SOBP: variants seen among roughly 807,000 people sequenced by gnomAD.
SOBP encodes sine oculis binding protein homolog, also known as sine oculis-binding protein homolog.
Under a neutral mutation model 53.6 loss-of-function variants are expected in SOBP, and 4 were observed. The observed-to-expected ratio is 0.07, with a 90% CI of 0.04 to 0.17. SOBP has a LOEUF of 0.17. Ranked by LOEUF, SOBP falls within the 10% of genes least tolerant of loss-of-function variation. The pLI, the probability that SOBP is intolerant of heterozygous loss-of-function variation, is 1.00. For synonymous variants in SOBP, 584 were observed against 522.6 expected, an observed-to-expected ratio of 1.12 and a Z score of -1.60; for missense variants, 1,088 against 1,204.7, an observed-to-expected ratio of 0.90 and a Z score of 1.43.
intron 5 of SOBP, among the ~76,000 whole-genome samples, chr6:107,592,253 G>A (rs1261833463): frequency 1.3e-5 from 2 of 152,134 alleles, no homozygotes; most frequent in Non-Finnish European, 2.9e-5. Context: ...GGTTCTAAGT[G>A]TATTCATTTA....
At chr6:107,490,750 T>A (rs1583132360) in intron 1 of SOBP, 38 bp downstream of exon 1, 1 of 1,481,378 alleles carries the variant, frequency 6.8e-7, no homozygotes, top group Non-Finnish European at 9.3e-7. Flanking sequence ...GACTGAGCTC[T>A]TTCTTGCGCC....
At chr6:107,636,958 G>A (rs1290896584) in intron 6 of SOBP, among the ~76,000 whole-genome samples, 1 of 152,152 alleles carries the variant, frequency 6.6e-6, no homozygotes. Flanking sequence ...TGCAAATCCA[G>A]GCTGTCTGAC....
intron 4 of SOBP, among the ~76,000 whole-genome samples, chr6:107,554,218 T>A (rs139224801): frequency 1.6e-4 from 24 of 152,330 alleles, no homozygotes; most frequent in African/African-American, 5.1e-4. Context: ...TGATGCTCCT[T>A]CCAGGATGTA....
intron 4 of SOBP, among the ~76,000 whole-genome samples, chr6:107,582,344 A>G (rs1583236013): frequency 6.6e-6 from 1 of 152,222 alleles, no homozygotes; most frequent in Admixed American, 6.5e-5. Flanking sequence ...AGAGAAGTGA[A>G]TTAGTGCTGA....
intron 2 of SOBP, among the ~76,000 whole-genome samples, chr6:107,505,442 C>G (rs1782958513): frequency 6.6e-6 from 1 of 151,920 alleles, no homozygotes. Context: ...CGTGCCTCAA[C>G]CTCCCAAGTA....
intron 1 of SOBP, 101 bp from the exon 2 acceptor site, chr6:107,503,556 C>A: frequency 7.7e-7 from 1 of 1,298,060 alleles, no homozygotes; most frequent in Non-Finnish European, 1.1e-6. Context: ...TGAGGCAGGG[C>A]TGCAAATAAA....
chr6:107,645,064 A>G lies in SOBP; in HGVS notation c.*3+9595A>G, dbSNP rs115233994. Among the ~76,000 whole-genome samples the G allele has an allele frequency of 3.9e-3, 594 of 152,298 alleles. 4 individuals are homozygous for G. The highest frequency in any genetic ancestry group is 0.014 in the African/African-American group (573 of 41,566). ...AACCTTGCAAATGAAGATGAGGGCT[A>G]CTGGTTCAGGGTTCTCATCCTGATT... On this transcript the variant is annotated intron_variant, in intron 6 of 6. Transcript: ENST00000317357.
intron 6 of SOBP, among the ~76,000 whole-genome samples, chr6:107,645,311 C>A (rs1290352528): frequency 6.6e-6 from 1 of 152,154 alleles, no homozygotes; most frequent in Non-Finnish European, 1.5e-5. Flanking sequence ...GAAGCAGTCC[C>A]CTTTTGCTCA....
intron 1 of SOBP, 98 bp from the exon 2 acceptor site, chr6:107,503,559 C>A: frequency 7.4e-7 from 1 of 1,351,036 alleles, no homozygotes; most frequent in Non-Finnish European, 1.1e-6. Context: ...GGCAGGGCTG[C>A]AAATAAATGA....
chr6:107,585,955 T>TC (rs923248695), intron 4 of SOBP, among the ~76,000 whole-genome samples: 8 of 152,122 alleles, frequency 5.3e-5, no homozygotes, highest in African/African-American at 1.7e-4. Context: ...CATTGTTTTC[T>TC]CCCCCCTCAA....
intron 3 of SOBP, among the ~76,000 whole-genome samples, chr6:107,531,596 A>G (rs1783826124): frequency 6.6e-6 from 1 of 152,112 alleles, no homozygotes; most frequent in South Asian, 2.1e-4. Context: ...TAAAATATAA[A>G]TAAAAGCTTG....
chr6:107,490,820 G>A, intron 1 of SOBP, 108 bp downstream of exon 1: 2 of 839,344 alleles, frequency 2.4e-6, no homozygotes, highest in East Asian at 2.7e-5. Context: ...GTCAGTTTCT[G>A]TAGGATGCCC....
chr6:107,582,304 A>G (rs1785427793), intron 4 of SOBP, among the ~76,000 whole-genome samples: 1 of 152,226 alleles, frequency 6.6e-6, no homozygotes, highest in Non-Finnish European at 1.5e-5. Context: ...TTGAAGAACT[A>G]AAGTTTGCTG....
intron 3 of SOBP, among the ~76,000 whole-genome samples, chr6:107,528,306 T>C (rs896596807): frequency 2.0e-5 from 3 of 152,182 alleles, no homozygotes; most frequent in East Asian, 1.9e-4. Flanking sequence ...GATATTCTTA[T>C]TGGCACCCTT....
At chr6:107,592,600 T>C (rs1785794199) in intron 5 of SOBP, among the ~76,000 whole-genome samples, 1 of 152,158 alleles carries the variant, frequency 6.6e-6, no homozygotes, top group Non-Finnish European at 1.5e-5. Context: ...CACTGAAAAT[T>C]AAAATCATGA....
chr6:107,496,646 C>G (rs903138124), intron 1 of SOBP, among the ~76,000 whole-genome samples: 1 of 152,134 alleles, frequency 6.6e-6, no homozygotes, highest in African/African-American at 2.4e-5. Context: ...CAAAGAATTT[C>G]AGGCTCGAAA....
At chr6:107,598,045 T>G (rs1786011320) in intron 5 of SOBP, among the ~76,000 whole-genome samples, 1 of 142,284 alleles carries the variant, frequency 7.0e-6, no homozygotes. Context: ...CGACATGCAT[T>G]TATTAGGTAC....
intron 6 of SOBP, among the ~76,000 whole-genome samples, chr6:107,642,474 C>T (rs902636817): frequency 1.3e-5 from 2 of 152,210 alleles, no homozygotes; most frequent in African/African-American, 2.4e-5. Context: ...GTCAAGTTAC[C>T]TAACTCTGCC....
intron 5 of SOBP, among the ~76,000 whole-genome samples, chr6:107,609,703 GCATA>G (rs1562098361): frequency 6.6e-6 from 1 of 152,124 alleles, no homozygotes. Context: ...GCTCCGTTAT[GCATA>G]AGGAGTCCTA....
Sources: allele counts gnomAD v4.1 joint callset (sites outside exome capture counted in the v4.1 genomes callset), GRCh38; gene constraint gnomAD v4.1.1; transcripts MANE v1.5; gene names NCBI Gene and HGNC (gene_info 2026-07-23, HGNC 2026-07-21).